The following HMGA2 variants were observed in gnomAD, a reference collection of about 807,000 sequenced individuals.
HMGA2 encodes the protein high mobility group protein HMGI-C.
HMGA2 carries 8 observed loss-of-function variants against 19.1 expected under a neutral mutation model. The ratio of observed to expected loss-of-function variants is 0.42; its 90% CI spans 0.25 to 0.76. The LOEUF is 0.76. HMGA2 is among the 30% of genes least tolerant of loss of function. The pLI is 0.28. For missense variants in HMGA2, 109 were observed against 136.3 expected (o/e 0.80, Z 1.00); for synonymous variants, 60 against 48.8 (o/e 1.23, Z -0.96).
At chr12:65,929,634 T>G (rs751007465) in intron 3 of HMGA2, among the ~76,000 whole-genome samples, 3 of 152,074 alleles carry the variant, frequency 2.0e-5, no homozygotes, top group Non-Finnish European at 4.4e-5. Context: ...TATAAAGAGA[T>G]GTATATTTAA....
At chr12:65,952,980 A>C (rs1291222301) in intron 4 of HMGA2, 1 of 152,372 alleles carries the variant, frequency 6.6e-6, no homozygotes, top group Non-Finnish European at 1.5e-5. Flanking sequence ...AATAGTGAAC[A>C]TCTCTTCTGA....
At chr12:65,954,186 A>G (rs1360800821) in intron 4 of HMGA2, 1 of 152,240 alleles carries the variant, frequency 6.6e-6, no homozygotes, top group Non-Finnish European at 1.5e-5. Flanking sequence ...ATGCATAATT[A>G]TATAAATTCC....
chr12:65,849,749 T>TTTTTTTTTTTTG (rs1313183766), intron 3 of HMGA2, among the ~76,000 whole-genome samples: 1 of 146,078 alleles, frequency 6.8e-6, no homozygotes, highest in African/African-American at 2.6e-5. Flanking sequence ...TTTTTTTTTT[T>TTTTTTTTTTTTG]TTTTTTTTTT....
At chr12:65,855,458 T>TCTCACACACACACA (rs140365204) in intron 3 of HMGA2, among the ~76,000 whole-genome samples, 162 of 140,226 alleles carry the variant, frequency 1.2e-3, no homozygotes, top group African/African-American at 4.3e-3. Context: ...TCTCTCTCTC[T>TCTCACACACACACA]CACACACACA....
At chr12:65,912,449 G>A (rs1483703640) in intron 3 of HMGA2, among the ~76,000 whole-genome samples, 2 of 152,106 alleles carry the variant, frequency 1.3e-5, no homozygotes, top group East Asian at 1.9e-4. Flanking sequence ...AAGAACAAAA[G>A]CTTCTAGACC....
At chr12:65,830,053 A>G (rs1420100258) in intron 2 of HMGA2, among the ~76,000 whole-genome samples, 1 of 151,960 alleles carries the variant, frequency 6.6e-6, no homozygotes, top group Non-Finnish European at 1.5e-5. Context: ...ATTCTTTCAG[A>G]CACAATTATT....
chr12:65,890,547 G>T (rs1287587118), intron 3 of HMGA2, among the ~76,000 whole-genome samples: 2 of 151,942 alleles, frequency 1.3e-5, no homozygotes, highest in Non-Finnish European at 2.9e-5. Flanking sequence ...TGTTTTGGAA[G>T]CTATACTACA....
chr12:65,927,533 C>A (rs1452583107), intron 3 of HMGA2, among the ~76,000 whole-genome samples: 2 of 152,144 alleles, frequency 1.3e-5, no homozygotes, highest in Non-Finnish European at 2.9e-5. Flanking sequence ...GGGACAAACT[C>A]TTCTTTACGT....
intron 3 of HMGA2, among the ~76,000 whole-genome samples, chr12:65,911,993 A>C (rs997928706): frequency 1.3e-5 from 2 of 152,272 alleles, no homozygotes; most frequent in South Asian, 2.1e-4. Context: ...CCATATCTAC[A>C]CTTATAGATA....
chr12:65,839,986 A>G (rs1455583375), intron 3 of HMGA2, among the ~76,000 whole-genome samples: 1 of 152,192 alleles, frequency 6.6e-6, no homozygotes, highest in East Asian at 1.9e-4. Context: ...CAATTAACAC[A>G]TACTGTTTGT....
rs547386444 is a variant in HMGA2, at chr12:65,825,608, G to A, written c.111+227G>A. On this transcript the variant is annotated intron_variant, in intron 1 of 4. Transcript: ENST00000403681. This position sits in a 1 kb window ranked among gnomAD's most constrained non-coding sequence, Gnocchi z 4.4. ...TGGGGAGCCGCGGCGGGCGGCCCGG[G>A]GAAGGCGGGAGGTGGGGTCGGGCGA... Among the ~76,000 whole-genome samples the A allele has an allele frequency of 1.3e-5, 2 of 151,760 alleles. No homozygotes were observed. Among genetic ancestry groups the A allele is most frequent in the African/African-American group, 4.8e-5 (2 of 41,506 alleles).
At chr12:65,843,783 T>A (rs1411099420) in intron 3 of HMGA2, among the ~76,000 whole-genome samples, 1 of 152,094 alleles carries the variant, frequency 6.6e-6, no homozygotes, top group African/African-American at 2.4e-5. Context: ...GCATGGTGGC[T>A]CATGCCTGTA....
intron 3 of HMGA2, chr12:65,851,649 G>C (rs1348702882): frequency 4.5e-6 from 2 of 444,068 alleles, no homozygotes; most frequent in Non-Finnish European, 9.0e-6. Context: ...AACAAAGCGA[G>C]ACTCTGTCTC....
intron 3 of HMGA2, among the ~76,000 whole-genome samples, chr12:65,941,428 C>T (rs146900655): frequency 3.1e-4 from 47 of 152,148 alleles, no homozygotes; most frequent in African/African-American, 9.6e-4. Context: ...AGCTAATGTT[C>T]GGGAATAGTT....
At chr12:65,901,035 A>G (rs1018824585) in intron 3 of HMGA2, among the ~76,000 whole-genome samples, 1 of 152,248 alleles carries the variant, frequency 6.6e-6, no homozygotes, top group Non-Finnish European at 1.5e-5. Context: ...AATACTCCAC[A>G]TATTATGTGT....
intron 3 of HMGA2, among the ~76,000 whole-genome samples, chr12:65,917,034 G>T (rs1286487042): frequency 1.3e-5 from 2 of 152,186 alleles, no homozygotes; most frequent in Non-Finnish European, 2.9e-5. Context: ...CTGAAAAGAG[G>T]AAGAGGTGTC....
intron 3 of HMGA2, among the ~76,000 whole-genome samples, chr12:65,930,526 A>T (rs1001495967): frequency 6.6e-6 from 1 of 152,194 alleles, no homozygotes; most frequent in African/African-American, 2.4e-5. Context: ...TGTAATTTCC[A>T]TGATATTTGG....
At position 65,930,246 on chromosome 12, in the gene HMGA2, C is replaced by T. The variant is rs572015574; in HGVS notation, c.250-21137C>T. On this transcript the variant is annotated intron_variant, in intron 3 of 4. Transcript: ENST00000403681. ...GTGTAAATAAAACTTTAGAAAGGGTCTATTGAACTTTGGACAGGCAAGCTC... is the reference window on the plus strand; with the variant it reads ...GTGTAAATAAAACTTTAGAAAGGGTTTATTGAACTTTGGACAGGCAAGCTC... Among the ~76,000 whole-genome samples, 3 of 152,264 alleles carry T rather than the reference C, an allele frequency of 2.0e-5. No individual in the cohort carries two copies. The South Asian group carries it at 6.2e-4, about 32-fold the overall frequency.
intron 3 of HMGA2, among the ~76,000 whole-genome samples, chr12:65,884,304 C>CTA (rs1181817608): frequency 6.6e-6 from 1 of 152,140 alleles, no homozygotes; most frequent in Non-Finnish European, 1.5e-5. Flanking sequence ...TTTCAGATTT[C>CTA]CAGATTAGAG....
Sources: allele counts gnomAD v4.1 joint callset (sites outside exome capture counted in the v4.1 genomes callset), GRCh38; gene constraint gnomAD v4.1.1; non-coding constraint Gnocchi (gnomAD v3.1); transcripts MANE v1.5; gene names NCBI Gene and HGNC (gene_info 2026-07-23, HGNC 2026-07-21).